Variants in GRID1 observed in about 807,000 individuals in gnomAD.
GRID1 encodes glutamate ionotropic receptor delta type subunit 1.
Under a neutral mutation model 98.0 loss-of-function variants are expected in GRID1, and 28 were observed. That is an observed-to-expected ratio of 0.29 (90% CI 0.21 to 0.39). The LOEUF is 0.39. Ranked by LOEUF, GRID1 falls within the 10% of genes least tolerant of loss-of-function variation. The probability of loss-of-function intolerance (pLI) is 1.00; values close to 1 mark genes in which losing one functional copy is unlikely to be tolerated. For missense variants in GRID1, 1,111 were observed against 1,340.5 expected (o/e 0.83, Z 2.67); for synonymous variants, 553 against 538.5 (o/e 1.03, Z -0.37).
intron 4 of GRID1, among the ~76,000 whole-genome samples, chr10:86,118,365 T>G (rs1288595688): frequency 6.6e-6 from 1 of 152,094 alleles, no homozygotes; most frequent in Non-Finnish European, 1.5e-5. Flanking sequence ...AATAAAAGAC[T>G]ATACACTGGG....
chr10:86,080,404 A>AAGGGG (rs1589364257), intron 4 of GRID1, among the ~76,000 whole-genome samples: 1 of 47,210 alleles, frequency 2.1e-5, no homozygotes, highest in Non-Finnish European at 3.5e-5. Flanking sequence ...AAGGGAAGGG[A>AAGGGG]AGGGAAGGGG....
intron 8 of GRID1, among the ~76,000 whole-genome samples, chr10:85,766,962 A>T (rs2132705087): frequency 6.6e-6 from 1 of 152,252 alleles, no homozygotes; most frequent in South Asian, 2.1e-4. Context: ...CCTGTGTGTA[A>T]CTAGAGGGGA....
intron 8 of GRID1, among the ~76,000 whole-genome samples, chr10:85,767,685 TG>T (rs1415946571): frequency 6.6e-6 from 1 of 152,208 alleles, no homozygotes; most frequent in Non-Finnish European, 1.5e-5. Context: ...GTTGTCTTTT[TG>T]TCTTTTCATA....
intron 8 of GRID1, among the ~76,000 whole-genome samples, chr10:85,749,890 C>T (rs1842030324): frequency 1.3e-5 from 2 of 152,186 alleles, no homozygotes; most frequent in African/African-American, 2.4e-5. Flanking sequence ...CTTCTCTGTC[C>T]TGTATTCCTA....
intron 2 of GRID1, among the ~76,000 whole-genome samples, chr10:86,239,884 G>A (rs1027640575): frequency 6.6e-6 from 1 of 152,056 alleles, no homozygotes; most frequent in African/African-American, 2.4e-5. Flanking sequence ...TCAAATGCAG[G>A]GTCCTTATAG....
intron 4 of GRID1, among the ~76,000 whole-genome samples, chr10:85,961,596 C>T (rs1049817221): frequency 1.3e-5 from 2 of 149,570 alleles, no homozygotes; most frequent in Non-Finnish European, 3.0e-5. Context: ...ACCTTCTCTC[C>T]CTCCTTCTTT....
intron 15 of GRID1, among the ~76,000 whole-genome samples, chr10:85,609,897 G>C (rs1373840235): frequency 6.6e-6 from 1 of 152,226 alleles, no homozygotes; most frequent in Non-Finnish European, 1.5e-5. Context: ...CATCCATGGA[G>C]TTTGGTGCAT....
intron 8 of GRID1, among the ~76,000 whole-genome samples, chr10:85,839,473 CAAAG>C (rs1247504800): frequency 3.9e-5 from 6 of 152,082 alleles, no homozygotes; most frequent in Non-Finnish European, 7.4e-5. Flanking sequence ...GAAATCAAGA[CAAAG>C]AAATTCACTC....
At chr10:85,708,012 T>A (rs1476081501) in intron 12 of GRID1, among the ~76,000 whole-genome samples, 1 of 151,438 alleles carries the variant, frequency 6.6e-6, no homozygotes, top group Non-Finnish European at 1.5e-5. Flanking sequence ...TACCTAATGT[T>A]AAATGACGAG....
At chr10:85,911,461 C>G (rs887221712) in intron 5 of GRID1, among the ~76,000 whole-genome samples, 1 of 152,166 alleles carries the variant, frequency 6.6e-6, no homozygotes, top group Non-Finnish European at 1.5e-5. Context: ...GAAGAAGTGG[C>G]AAGGGCCTGC....
chr10:86,333,135 C>A (rs749898208), intron 2 of GRID1, among the ~76,000 whole-genome samples: 3 of 152,234 alleles, frequency 2.0e-5, no homozygotes, highest in Non-Finnish European at 4.4e-5. Flanking sequence ...AGTGCTCCAG[C>A]AAACCACCAG....
At chr10:85,993,985 C>G (rs1230282944) in intron 4 of GRID1, among the ~76,000 whole-genome samples, 1 of 152,176 alleles carries the variant, frequency 6.6e-6, no homozygotes, top group Non-Finnish European at 1.5e-5. Context: ...AAATATGGAG[C>G]AGGTGCCCCT....
chr10:85,734,608 T>A (rs1278310041), intron 8 of GRID1, among the ~76,000 whole-genome samples: 3 of 152,154 alleles, frequency 2.0e-5, no homozygotes, highest in African/African-American at 7.2e-5. Flanking sequence ...TTCAAACACA[T>A]CAAAGTTCAA....
At chr10:85,868,935 A>C in intron 6 of GRID1, 75 bp downstream of exon 6, 2 of 1,299,382 alleles carry the variant, frequency 1.5e-6, no homozygotes, top group Non-Finnish European at 2.2e-6. Context: ...GGAGGCCCCC[A>C]CATGTCTCCC....
Position 86,330,337 on chromosome 10 carries a change from C to T in GRID1, c.235+33604G>A, listed in dbSNP as rs115053673. Reference sequence around the variant, plus strand: ...CTCAGGCAGGCAAAGGAGGCCTCTGCAGAAGGCAGGAGGTCCTGGCCACCC... The same window carrying T: ...CTCAGGCAGGCAAAGGAGGCCTCTGTAGAAGGCAGGAGGTCCTGGCCACCC... On this transcript the variant is annotated intron_variant, in intron 2 of 15. Coordinates refer to ENST00000327946, the MANE Select transcript of GRID1 (RefSeq NM_017551.3). Among the ~76,000 whole-genome samples the T allele has an allele frequency of 5.9e-3, 902 of 152,296 alleles. 11 individuals carry two copies. Among genetic ancestry groups the T allele is most frequent in the African/African-American group, 0.021 (870 of 41,546 alleles).
chr10:86,098,442 C>A (rs1844251520), intron 4 of GRID1, among the ~76,000 whole-genome samples: 1 of 152,198 alleles, frequency 6.6e-6, no homozygotes, highest in Admixed American at 6.5e-5. Flanking sequence ...TTGCCTTAAC[C>A]ACACCCCTAA....
chr10:85,663,925 C>A (rs1440734465), intron 12 of GRID1, among the ~76,000 whole-genome samples: 1 of 152,154 alleles, frequency 6.6e-6, no homozygotes, highest in East Asian at 1.9e-4. Flanking sequence ...GCTCTATACT[C>A]CCTGCTGGAT....
At chr10:86,341,949 T>C (rs1380203963) in intron 2 of GRID1, among the ~76,000 whole-genome samples, 3 of 152,174 alleles carry the variant, frequency 2.0e-5, no homozygotes, top group African/African-American at 7.2e-5. Flanking sequence ...GATTGGGATT[T>C]TTAGGGCACT....
intron 12 of GRID1, among the ~76,000 whole-genome samples, chr10:85,677,500 T>C (rs1841158115): frequency 6.6e-6 from 1 of 152,266 alleles, no homozygotes; most frequent in East Asian, 1.9e-4. Flanking sequence ...GATACATTCA[T>C]ATAGTTGTCT....
Sources: allele counts gnomAD v4.1 joint callset (sites outside exome capture counted in the v4.1 genomes callset), GRCh38; gene constraint gnomAD v4.1.1; transcripts MANE v1.5; gene names NCBI Gene and HGNC (gene_info 2026-07-23, HGNC 2026-07-21).